HS3ST4: variants seen among roughly 807,000 people sequenced by gnomAD.
HS3ST4 encodes the protein heparan sulfate glucosamine 3-O-sulfotransferase 4.
HS3ST4 carries 17 observed loss-of-function variants against 29.2 expected under a neutral mutation model. The observed-to-expected ratio is 0.58, with a 90% CI of 0.40 to 0.87. HS3ST4 has a LOEUF of 0.87. HS3ST4 is among the 40% of genes least tolerant of loss of function. The pLI, the probability that HS3ST4 is intolerant of heterozygous loss-of-function variation, is 0.00. For missense variants in HS3ST4, 627 were observed against 634.5 expected, an observed-to-expected ratio of 0.99 and a Z score of 0.13; for synonymous variants, 314 against 285.7, an observed-to-expected ratio of 1.10 and a Z score of -1.00.
At chr16:25,782,677 G>A (rs1404970494) in intron 1 of HS3ST4, among the ~76,000 whole-genome samples, 1 of 152,142 alleles carries the variant, frequency 6.6e-6, no homozygotes, top group Non-Finnish European at 1.5e-5. Flanking sequence ...TGCTTGGATA[G>A]CCCATTTCTC....
intron 1 of HS3ST4, among the ~76,000 whole-genome samples, chr16:25,992,969 G>A (rs1969127097): frequency 6.6e-6 from 1 of 152,122 alleles, no homozygotes; most frequent in South Asian, 2.1e-4. Flanking sequence ...TTGCGTTAGG[G>A]GGCCCATTCT....
chr16:26,058,605 C>A (rs1222039762), intron 1 of HS3ST4, among the ~76,000 whole-genome samples: 1 of 152,130 alleles, frequency 6.6e-6, no homozygotes, highest in Non-Finnish European at 1.5e-5. Flanking sequence ...CATGTCTTGG[C>A]CAGTGCTAAA....
At chr16:25,987,075 G>A (rs546789402) in intron 1 of HS3ST4, among the ~76,000 whole-genome samples, 4 of 152,366 alleles carry the variant, frequency 2.6e-5, no homozygotes, top group Admixed American at 2.6e-4. Context: ...TGCTGAATGG[G>A]CTCTGTGGCT....
At chr16:25,963,187 A>C (rs541374645) in intron 1 of HS3ST4, among the ~76,000 whole-genome samples, 9 of 152,332 alleles carry the variant, frequency 5.9e-5, no homozygotes, top group African/African-American at 2.2e-4. Flanking sequence ...GAGAGATTTA[A>C]CAGCCTGATT....
chr16:25,737,810 A>G (rs1408873663), intron 1 of HS3ST4, among the ~76,000 whole-genome samples: 1 of 152,042 alleles, frequency 6.6e-6, no homozygotes, highest in Non-Finnish European at 1.5e-5. Context: ...CCCTTCTCCC[A>G]TCTTTGCTAA....
intron 1 of HS3ST4, among the ~76,000 whole-genome samples, chr16:25,947,891 G>C (rs961478306): frequency 5.3e-5 from 8 of 151,962 alleles, no homozygotes; most frequent in Non-Finnish European, 1.2e-4. Context: ...TTAATTTCCT[G>C]GTACATCAGT....
intron 1 of HS3ST4, among the ~76,000 whole-genome samples, chr16:26,026,755 C>T (rs1437245112): frequency 6.6e-6 from 1 of 152,178 alleles, no homozygotes; most frequent in Non-Finnish European, 1.5e-5. Flanking sequence ...GTGGGGTCGT[C>T]ATAATTGTTT....
In HS3ST4 at chr16:25,966,249, C is replaced by G. The variant is rs1968841477; in HGVS notation, c.735-169363C>G. 3.9e-5 allele frequency among the ~76,000 whole-genome samples: 6 copies of G among 152,262 alleles called. No individual in the cohort carries two copies. In the South Asian group the frequency reaches 1.2e-3, roughly 32 times the overall value. On this transcript the variant is annotated intron_variant, in intron 1 of 1. Transcript: ENST00000331351. The stretch of plus-strand genomic sequence containing the variant: ...CTGTTTTAAACTCATGCAGTTCTGA[C>G]TTCAGTGCCTGCACACTTGACCATT...
intron 1 of HS3ST4, among the ~76,000 whole-genome samples, chr16:26,046,219 C>G (rs1050602639): frequency 6.8e-6 from 1 of 146,866 alleles, no homozygotes; most frequent in African/African-American, 2.5e-5. Flanking sequence ...GGCGTGATCT[C>G]GGCTCACTGC....
chr16:25,926,980 T>A (rs144952978), intron 1 of HS3ST4, among the ~76,000 whole-genome samples: 135 of 152,216 alleles, frequency 8.9e-4, no homozygotes, highest in Middle Eastern at 3.4e-3. Context: ...GAGAATTGCT[T>A]GAACCCGGGA....
intron 1 of HS3ST4, among the ~76,000 whole-genome samples, chr16:25,997,975 C>T (rs1428873153): frequency 6.6e-6 from 1 of 152,134 alleles, no homozygotes; most frequent in Non-Finnish European, 1.5e-5. Context: ...GTGATTCATG[C>T]CAGTAATCCC....
chr16:25,862,091 C>T (rs1432610869), intron 1 of HS3ST4, among the ~76,000 whole-genome samples: 2 of 152,132 alleles, frequency 1.3e-5, no homozygotes, highest in East Asian at 1.9e-4. Context: ...GCTTTAGATT[C>T]TCATAAGGAG....
At chr16:26,123,997 C>T (rs755175847) in intron 1 of HS3ST4, among the ~76,000 whole-genome samples, 11 of 151,866 alleles carry the variant, frequency 7.2e-5, no homozygotes, top group Non-Finnish European at 1.5e-5. Flanking sequence ...CTCAGCTTAC[C>T]GCAACTTGCG....
intron 1 of HS3ST4, among the ~76,000 whole-genome samples, chr16:25,803,578 G>A (rs964391993): frequency 6.6e-6 from 1 of 152,110 alleles, no homozygotes; most frequent in Non-Finnish European, 1.5e-5. Flanking sequence ...TTATTTTACT[G>A]AGTTTTTCTT....
intron 1 of HS3ST4, among the ~76,000 whole-genome samples, chr16:26,037,770 C>T (rs1301562842): frequency 6.6e-6 from 1 of 152,098 alleles, no homozygotes; most frequent in African/African-American, 2.4e-5. Flanking sequence ...ATGGGTCTGT[C>T]AAAGGAAATT....
At chr16:26,005,985 T>C (rs1238157498) in intron 1 of HS3ST4, among the ~76,000 whole-genome samples, 1 of 151,992 alleles carries the variant, frequency 6.6e-6, no homozygotes, top group Non-Finnish European at 1.5e-5. Context: ...TCACAACTGG[T>C]TGAGAATCAC....
rs1381988506 is a variant in HS3ST4, at chr16:26,070,106, G to T, written c.735-65506G>T. Reference sequence around the variant, plus strand: ...ATGGCTGGGTCAAATGGTATTTCTAGTTCTAGATCCCTGAGGAATTGCCAC... The same window carrying T: ...ATGGCTGGGTCAAATGGTATTTCTATTTCTAGATCCCTGAGGAATTGCCAC... On this transcript the variant is annotated intron_variant, in intron 1 of 1. Transcript: ENST00000331351. Among the ~76,000 whole-genome samples the T allele has an allele frequency of 2.0e-5, 3 of 152,128 alleles. No homozygotes were observed. In the East Asian group the frequency reaches 5.8e-4, roughly 29 times the overall value.
At chr16:25,967,236 G>A (rs765054836) in intron 1 of HS3ST4, among the ~76,000 whole-genome samples, 8 of 152,032 alleles carry the variant, frequency 5.3e-5, no homozygotes, top group African/African-American at 1.7e-4. Flanking sequence ...TCACTGCAAC[G>A]TCCACCTCCT....
chr16:26,013,592 A>C (rs1208514593), intron 1 of HS3ST4, among the ~76,000 whole-genome samples: 1 of 152,212 alleles, frequency 6.6e-6, no homozygotes, highest in Non-Finnish European at 1.5e-5. Flanking sequence ...CATAGGCTTC[A>C]TTTCATTTAA....
Sources: allele counts gnomAD v4.1 joint callset (sites outside exome capture counted in the v4.1 genomes callset), GRCh38; gene constraint gnomAD v4.1.1; transcripts MANE v1.5; gene names NCBI Gene and HGNC (gene_info 2026-07-23, HGNC 2026-07-21).